Variants in WNK2 observed in about 807,000 individuals in gnomAD.
WNK2 encodes the protein serine/threonine-protein kinase WNK2.
A neutral mutation model predicts 192.1 loss-of-function variants in WNK2; 67 were observed. The observed-to-expected ratio is 0.35, with a 90% CI of 0.29 to 0.43. The LOEUF (loss-of-function observed/expected upper bound fraction) is 0.43, where lower values mean the gene tolerates loss of function less well. Ranked by LOEUF, WNK2 falls within the 20% of genes least tolerant of loss-of-function variation. The probability of loss-of-function intolerance (pLI) is 1.00; values close to 1 mark genes in which losing one functional copy is unlikely to be tolerated. For missense variants in WNK2, 2,698 were observed against 3,089.7 expected (o/e 0.87, Z 3.01); for synonymous variants, 1,439 against 1,393.9 (o/e 1.03, Z -0.72).
At position 93,299,159 on chromosome 9, in the gene WNK2, G is replaced by T; in HGVS notation, c.6013G>T (p.Gly2005Trp). The change falls in exon 25 of 30, where the codon GGG (glycine) becomes TGG (tryptophan). Residue 2005 changes from glycine (G) to tryptophan (W), a missense_variant. Coordinates refer to ENST00000427277, the MANE Select transcript of WNK2 (RefSeq NM_006648.4). ...CACTGCAGACAGCACGGGCCTGAGCGGGAAGGCAGTGCAGACCCAGCAGCC... is the reference window on the plus strand; with the variant it reads ...CACTGCAGACAGCACGGGCCTGAGCTGGAAGGCAGTGCAGACCCAGCAGCC... The part of the protein sequence containing the change: ...GLTADSTGLS[G>W]KAVQTQQPCS... 1 of 1,611,286 alleles carries T rather than the reference G, an allele frequency of 6.2e-7. No individual in the cohort carries two copies. Among genetic ancestry groups the T allele is most frequent in the Non-Finnish European group, 8.5e-7 (1 of 1,178,864 alleles).
intron 2 of WNK2, among the ~76,000 whole-genome samples, chr9:93,195,699 CA>C (rs59357990): frequency 0.015 from 644 of 41,636 alleles, 5 homozygotes; most frequent in African/African-American, 0.063. Flanking sequence ...GACTTTGTCT[CA>C]AAAAAAAAAA....
At chr9:93,295,974 CT>C (rs1850267452) in intron 23 of WNK2, among the ~76,000 whole-genome samples, 1 of 142,932 alleles carries the variant, frequency 7.0e-6, no homozygotes, top group South Asian at 2.3e-4. Context: ...CCATCCTCCC[CT>C]CACCATCCTC....
At chr9:93,287,366 C>T (rs994348843) in intron 19 of WNK2, among the ~76,000 whole-genome samples, 23 of 152,310 alleles carry the variant, frequency 1.5e-4, no homozygotes, top group African/African-American at 5.5e-4. Context: ...CCTGCACGCA[C>T]TGTGCCTCAG....
chr9:93,275,734 A>C (rs1298735616), intron 19 of WNK2, among the ~76,000 whole-genome samples: 1 of 152,232 alleles, frequency 6.6e-6, no homozygotes, highest in Non-Finnish European at 1.5e-5. Flanking sequence ...AACTTCTAGA[A>C]CTAATAAGTG....
chr9:93,289,007 G>T lies in WNK2; in HGVS notation c.4253G>T (p.Gly1418Val). Residue 1418 changes from glycine to valine, a missense_variant, in exon 20 of 30, where the codon GGG (glycine) becomes GTG (valine). Gly to Val is a moderately radical substitution (Grantham distance 109). This residue lies in a region of WNK2 where 1,098 missense variants were observed against 1,101.0 expected (regional missense o/e 1.00). Transcript: ENST00000427277. ...EPASGTASQA[G>V]GPGTPQGLTS... ...GCGTCAGGAACTGCCAGCCAGGCAGGGGGTCCAGGGACACCTCAGGGGCTG... is the reference window on the plus strand; with the variant it reads ...GCGTCAGGAACTGCCAGCCAGGCAGTGGGTCCAGGGACACCTCAGGGGCTG... 6.2e-7 allele frequency: 1 copy of T among 1,601,976 alleles called. No homozygotes were observed. Among genetic ancestry groups the T allele is most frequent in the Non-Finnish European group, 8.5e-7 (1 of 1,174,320 alleles).
intron 28 of WNK2, among the ~76,000 whole-genome samples, chr9:93,311,061 C>T (rs1302093592): frequency 6.6e-6 from 1 of 152,136 alleles, no homozygotes; most frequent in Non-Finnish European, 1.5e-5. Flanking sequence ...ACAATAACTC[C>T]CTATTGTCCC....
In WNK2 at chr9:93,268,186, G is replaced by C. The variant is rs1845466345; in HGVS notation, c.3913+121G>C. On this transcript the variant is annotated intron_variant, in intron 18 of 29. Transcript: ENST00000427277. ...TTATGGAAGCATGTGGTGACCAGGG[G>C]CCCCAGTCTGGGGACAGCTGCCCTG... 3 of 1,396,422 alleles carry C rather than the reference G, an allele frequency of 2.1e-6. No homozygotes were observed. In the Admixed American group the frequency reaches 6.1e-5, roughly 28 times the overall value. 86.5% of individuals were successfully genotyped at this position (1,396,422 alleles called of 1,614,324 possible).
chr9:93,270,757 G>A (rs1845892570), intron 19 of WNK2, among the ~76,000 whole-genome samples: 1 of 152,166 alleles, frequency 6.6e-6, no homozygotes, highest in Non-Finnish European at 1.5e-5. Context: ...CACGCCGACA[G>A]TTCTGGAGGT....
chr9:93,314,171 A>C (rs976562499), intron 28 of WNK2, among the ~76,000 whole-genome samples: 1 of 152,028 alleles, frequency 6.6e-6, no homozygotes, highest in Non-Finnish European at 1.5e-5. Context: ...AATCCCAGCT[A>C]CTCAGGAGGC....
chr9:93,216,275 A>G (rs913503585), intron 2 of WNK2, among the ~76,000 whole-genome samples: 16 of 152,268 alleles, frequency 1.1e-4, no homozygotes, highest in Non-Finnish European at 1.9e-4. Flanking sequence ...TTCCTGTCCT[A>G]TAGAAATGTA....
At position 93,257,642 on chromosome 9, in the gene WNK2, A is replaced by G. The variant is rs1843519762; in HGVS notation, c.2382+503A>G. ...TGCTGGGTTGGCACAGAAAGCAGGT[A>G]GGTTTGCCTCAGAGGAGCGTTCTTC... is the stretch of plus-strand genomic sequence containing the variant. On this transcript the variant is annotated intron_variant, in intron 11 of 29. Coordinates refer to ENST00000427277, the MANE Select transcript of WNK2 (RefSeq NM_006648.4). This position sits in a 1 kb window ranked among gnomAD's most constrained non-coding sequence, Gnocchi z 4.7. Among the ~76,000 whole-genome samples, 1 of 152,206 alleles carries G rather than the reference A, an allele frequency of 6.6e-6. No homozygotes were observed. Among genetic ancestry groups the G allele is most frequent in the South Asian group, 2.1e-4 (1 of 4,826 alleles).
At chr9:93,227,259 G>A (rs58478553) in intron 2 of WNK2, among the ~76,000 whole-genome samples, 4 of 151,958 alleles carry the variant, frequency 2.6e-5, no homozygotes, top group East Asian at 3.9e-4. Flanking sequence ...GACTACAGGC[G>A]CCCGCCACCA....
At chr9:93,225,336 C>T (rs993842216) in intron 2 of WNK2, among the ~76,000 whole-genome samples, 2 of 152,190 alleles carry the variant, frequency 1.3e-5, no homozygotes, top group Non-Finnish European at 2.9e-5. Flanking sequence ...ATTGAGGCTG[C>T]AGTGAGCTAT....
At position 93,248,946 on chromosome 9, in the gene WNK2, C is replaced by G. The variant is rs182152395; in HGVS notation, c.1834+1112C>G. Among the ~76,000 whole-genome samples the G allele has an allele frequency of 2.5e-3, 380 of 152,308 alleles. 3 individuals carry two copies. Among genetic ancestry groups the G allele is most frequent in the Non-Finnish European group, 3.9e-3 (267 of 68,022 alleles). ...TAGTCTGTTTAATTTATTTAATATG[C>G]ACATCCTTCATTTATCATTGAAATG... On this transcript the variant is annotated intron_variant, in intron 8 of 29. Coordinates refer to ENST00000427277, the MANE Select transcript of WNK2 (RefSeq NM_006648.4).
Position 93,247,499 on chromosome 9 carries a change from AG to A in WNK2, c.1543-41del. On this transcript the variant is annotated intron_variant, in intron 7 of 29. Coordinates refer to ENST00000427277, the MANE Select transcript of WNK2 (RefSeq NM_006648.4). This position sits in a 1 kb window ranked among gnomAD's most constrained non-coding sequence, Gnocchi z 5.2. ...TTTAGGTAAGGGGTGTGGGCCGGTG[AG>A]GGCTGATCCCCAGCGATGCTGACAA... 1 of 1,586,470 alleles carries A rather than the reference AG, an allele frequency of 6.3e-7. No homozygotes were observed. The highest frequency in any genetic ancestry group is 8.6e-7 in the Non-Finnish European group (1 of 1,165,468).
intron 21 of WNK2, 137 bp downstream of exon 21, chr9:93,290,184 G>C (rs1564180032): frequency 1.3e-6 from 1 of 747,876 alleles, no homozygotes; most frequent in Admixed American, 2.8e-5. Context: ...TATCTGTAAG[G>C]GATCCTTTAG....
At chr9:93,203,560 C>T (rs190475285) in intron 2 of WNK2, among the ~76,000 whole-genome samples, 103 of 152,294 alleles carry the variant, frequency 6.8e-4, no homozygotes, top group African/African-American at 2.3e-3. Flanking sequence ...GCCTAGTCCC[C>T]TGCAGTCTGT....
intron 7 of WNK2, among the ~76,000 whole-genome samples, chr9:93,245,376 G>C (rs991538058): frequency 6.6e-6 from 1 of 152,158 alleles, no homozygotes; most frequent in Non-Finnish European, 1.5e-5. Flanking sequence ...AAGTCCTCTG[G>C]GCCCCTTTCC....
chr9:93,255,402 C>T (rs991333555), intron 9 of WNK2, among the ~76,000 whole-genome samples: 4 of 152,332 alleles, frequency 2.6e-5, no homozygotes, highest in East Asian at 3.9e-4. Context: ...AGCTGGTAGA[C>T]GGATGGTCCG....
Sources: gnomAD v4.1 joint callset for allele counts (sites outside exome capture counted in the v4.1 genomes callset) on GRCh38, gnomAD v4.1.1 for gene constraint, gnomAD v4.1.1 regional missense constraint, Gnocchi (gnomAD v3.1) non-coding constraint, MANE v1.5 for transcripts, NCBI Gene and HGNC (gene_info 2026-07-23, HGNC 2026-07-21) for gene names.